The following FRMD4A variants were observed in gnomAD, a reference collection of about 807,000 sequenced individuals.
FRMD4A encodes FERM domain-containing protein 4A.
In FRMD4A, 29 loss-of-function variants were observed where a neutral mutation model predicts 129.1. The observed-to-expected ratio is 0.22, with a 90% CI of 0.17 to 0.31. The LOEUF (loss-of-function observed/expected upper bound fraction) is 0.31, where lower values mean the gene tolerates loss of function less well. FRMD4A is among the 10% of genes least tolerant of loss of function. The pLI is 1.00. For synonymous variants in FRMD4A, 634 were observed against 571.6 expected (o/e 1.11, Z -1.56); for missense variants, 1,272 against 1,375.8 (o/e 0.92, Z 1.19).
intron 2 of FRMD4A, among the ~76,000 whole-genome samples, chr10:14,258,326 A>AG (rs987174228): frequency 4.0e-5 from 6 of 151,620 alleles, no homozygotes; most frequent in African/African-American, 1.2e-4. Flanking sequence ...TTTAACTAAA[A>AG]AAAAAAAGAA....
intron 6 of FRMD4A, among the ~76,000 whole-genome samples, chr10:13,762,924 G>A (rs930643652): frequency 1.3e-5 from 2 of 152,056 alleles, no homozygotes; most frequent in African/African-American, 4.8e-5. Flanking sequence ...GTAGCGAGCT[G>A]TGATAGTACC....
chr10:13,965,551 T>C (rs1175873366), intron 2 of FRMD4A, among the ~76,000 whole-genome samples: 2 of 152,196 alleles, frequency 1.3e-5, no homozygotes, highest in East Asian at 3.8e-4. Flanking sequence ...TATAATTGGA[T>C]TTTCCTGCAA....
intron 2 of FRMD4A, among the ~76,000 whole-genome samples, chr10:14,064,314 G>A (rs1588896093): frequency 6.6e-6 from 1 of 152,200 alleles, no homozygotes; most frequent in South Asian, 2.1e-4. Context: ...TTTTCCTTCT[G>A]TAGTGCTTTT....
At chr10:13,692,339 G>A (rs2085789214) in intron 15 of FRMD4A, 1 of 151,998 alleles carries the variant, frequency 6.6e-6, no homozygotes, top group African/African-American at 2.4e-5. Flanking sequence ...GTAGAGATGG[G>A]GTTTCACTGT....
At chr10:13,659,641 C>A in intron 20 of FRMD4A, 151 bp from the exon 21 acceptor site, 1 of 721,616 alleles carries the variant, frequency 1.4e-6, no homozygotes, top group Non-Finnish European at 2.3e-6. Flanking sequence ...TGGTTCTCAG[C>A]CTTTCCCCAG....
intron 2 of FRMD4A, among the ~76,000 whole-genome samples, chr10:14,102,824 C>T (rs1300920199): frequency 6.6e-6 from 1 of 150,860 alleles, no homozygotes; most frequent in African/African-American, 2.4e-5. Flanking sequence ...CTTGGGAGTT[C>T]TCATTTTGGC....
chr10:13,850,323 T>C (rs1353709066), intron 3 of FRMD4A, among the ~76,000 whole-genome samples: 1 of 152,228 alleles, frequency 6.6e-6, no homozygotes. Context: ...GACTATTTAC[T>C]TGCCCTCAGT....
intron 2 of FRMD4A, among the ~76,000 whole-genome samples, chr10:14,034,947 G>A (rs1015055687): frequency 1.3e-5 from 2 of 152,176 alleles, no homozygotes; most frequent in African/African-American, 2.4e-5. Flanking sequence ...GGTGACTTGA[G>A]GACCTCAGTC....
At chr10:13,937,005 G>C (rs2095254389) in intron 2 of FRMD4A, among the ~76,000 whole-genome samples, 1 of 152,214 alleles carries the variant, frequency 6.6e-6, no homozygotes, top group South Asian at 2.1e-4. Flanking sequence ...GAACAAGGCA[G>C]GCATGCATTG....
intron 6 of FRMD4A, among the ~76,000 whole-genome samples, chr10:13,780,312 G>C (rs2092702215): frequency 7.3e-6 from 1 of 137,624 alleles, no homozygotes; most frequent in Non-Finnish European, 1.6e-5. Context: ...GGGCAACAGA[G>C]TGAGACTGTG....
At chr10:13,648,988 G>A (rs932566325) in intron 24 of FRMD4A, among the ~76,000 whole-genome samples, 2 of 150,802 alleles carry the variant, frequency 1.3e-5, no homozygotes, top group African/African-American at 5.0e-5. Context: ...AAATGTAAAT[G>A]TATATGAAAC....
chr10:13,884,198 ACACACACACT>A (rs774137657), intron 2 of FRMD4A, among the ~76,000 whole-genome samples: 5,052 of 64,824 alleles, frequency 0.078, 141 homozygotes, highest in East Asian at 0.11. Context: ...ACACACACTC[ACACACACACT>A]CACACACACA....
chr10:13,711,528 G>C (rs2088020422), intron 12 of FRMD4A, among the ~76,000 whole-genome samples: 1 of 152,324 alleles, frequency 6.6e-6, no homozygotes, highest in Non-Finnish European at 1.5e-5. Context: ...AAACACAGCA[G>C]GCACCCATAA....
chr10:13,705,083 G>T (rs527244396), intron 13 of FRMD4A, among the ~76,000 whole-genome samples: 1 of 152,246 alleles, frequency 6.6e-6, no homozygotes, highest in South Asian at 2.1e-4. Flanking sequence ...CAAAATAAAA[G>T]TTCCTTCTTC....
intron 2 of FRMD4A, among the ~76,000 whole-genome samples, chr10:14,071,110 A>C: frequency 6.6e-6 from 1 of 152,214 alleles, no homozygotes; most frequent in East Asian, 1.9e-4. Context: ...AGTCCTTCTT[A>C]CTTTCTTGAT....
chr10:13,991,027 G>C (rs975257676), intron 2 of FRMD4A, among the ~76,000 whole-genome samples: 5 of 152,180 alleles, frequency 3.3e-5, no homozygotes, highest in Admixed American at 6.5e-5. Context: ...ATCCCTAATG[G>C]AATTGAACAA....
chr10:14,014,951 TTTCC>T (rs943402745), intron 2 of FRMD4A, among the ~76,000 whole-genome samples: 11 of 133,668 alleles, frequency 8.2e-5, no homozygotes, highest in South Asian at 2.9e-4. Flanking sequence ...TTCTTCCTTC[TTTCC>T]TTCCTTCCTT....
chr10:14,172,922 A>T (rs1841549533), intron 2 of FRMD4A, among the ~76,000 whole-genome samples: 1 of 152,226 alleles, frequency 6.6e-6, no homozygotes, highest in Non-Finnish European at 1.5e-5. Flanking sequence ...ACATGGGTGA[A>T]CATAACAGAG....
intron 2 of FRMD4A, among the ~76,000 whole-genome samples, chr10:14,185,639 A>G (rs1021697151): frequency 2.0e-5 from 3 of 152,174 alleles, no homozygotes; most frequent in East Asian, 3.9e-4. Flanking sequence ...ATGGTCAGAG[A>G]GCTGCAGGGG....
Sources: allele counts gnomAD v4.1 joint callset (sites outside exome capture counted in the v4.1 genomes callset), GRCh38; gene constraint gnomAD v4.1.1; transcripts MANE v1.5; gene names NCBI Gene and HGNC (gene_info 2026-07-23, HGNC 2026-07-21).